The following MICAL2 variants were observed in gnomAD, a reference collection of about 807,000 sequenced individuals.
The protein encoded by MICAL2 is [F-actin]-monooxygenase MICAL2.
Under a neutral mutation model 127.3 loss-of-function variants are expected in MICAL2, and 77 were observed. That is an observed-to-expected ratio of 0.60 (90% confidence interval 0.50 to 0.73). MICAL2 has a LOEUF of 0.73. Among genes scored for constraint, MICAL2 ranks in the 30% least tolerant of loss-of-function variants. The pLI is 0.00. For missense variants in MICAL2, 1,351 were observed against 1,434.4 expected (o/e 0.94, Z 0.94); for synonymous variants, 570 against 551.1 (o/e 1.03, Z -0.48).
chr11:12,344,690 G>A (rs1486786040), intron 32 of MICAL2, among the ~76,000 whole-genome samples: 2 of 149,852 alleles, frequency 1.3e-5, no homozygotes, highest in Non-Finnish European at 3.0e-5. Flanking sequence ...CAGTAGAGAC[G>A]GGGTTTCACC....
At chr11:12,317,921 TCTC>T (rs1214651877) in intron 29 of MICAL2, among the ~76,000 whole-genome samples, 1 of 152,242 alleles carries the variant, frequency 6.6e-6, no homozygotes, top group East Asian at 1.9e-4. Flanking sequence ...GGAAGCATTT[TCTC>T]CTCAATTTCA....
chr11:12,241,110 G>A lies in MICAL2; in HGVS notation c.2285G>A (p.Cys762Tyr). 1 of 1,614,134 alleles carries A rather than the reference G, an allele frequency of 6.2e-7. No homozygotes were observed. Among genetic ancestry groups the A allele is most frequent in the Non-Finnish European group, 8.5e-7 (1 of 1,180,022 alleles). The change falls in exon 18 of 28, where the codon TGC becomes TAC. Residue 762 changes from cysteine to tyrosine, a missense_variant. Cys to Tyr is a radical substitution (Grantham distance 194, BLOSUM62 -2). Coordinates refer to ENST00000683283, the MANE Select transcript of MICAL2 (RefSeq NM_001282663.2). ...SSSGPPVHSCCPKPEEATPSP... is the reference protein window; with the variant it reads ...SSSGPPVHSCYPKPEEATPSP... ...TCCGGCCCTCCTGTTCACTCTTGCT[G>A]CCCCAAGCCGGAGGAGGCCACACCC...
Position 12,356,053 on chromosome 11 carries a change from TA to T in MICAL2, c.5689+1197del, listed in dbSNP as rs1451393995. Among the ~76,000 whole-genome samples the T allele has an allele frequency of 3.3e-5, 5 of 152,198 alleles. No individual in the cohort carries two copies. In the East Asian group the frequency reaches 9.6e-4, roughly 29 times the overall value. ...TAGGTTCTAACTGATATCTGATTTA[TA>T]TATCAGATTTGAAAAGTTTAATTTG... On this transcript the variant is annotated intron_variant, in intron 34 of 34. Coordinates refer to the MICAL2 transcript ENST00000646065.
intron 15 of MICAL2, among the ~76,000 whole-genome samples, chr11:12,235,455 AG>A (rs1318000693): frequency 6.6e-6 from 1 of 152,182 alleles, no homozygotes; most frequent in Non-Finnish European, 1.5e-5. Context: ...CTGAGAGTGA[AG>A]GGGGCACTGT....
At chr11:12,175,430 T>G (rs1005664399) in intron 3 of MICAL2, among the ~76,000 whole-genome samples, 40 of 150,854 alleles carry the variant, frequency 2.7e-4, no homozygotes, top group Non-Finnish European at 5.0e-4. Context: ...GAGCCGAGAT[T>G]GCGCCACTCC....
chr11:12,138,442 T>C lies in MICAL2; in HGVS notation c.-96T>C, dbSNP rs1472124224. The C allele has an allele frequency of 6.6e-6, 1 of 152,230 alleles. No homozygotes were observed. Among genetic ancestry groups the C allele is most frequent in the Non-Finnish European group, 1.5e-5 (1 of 68,046 alleles). 9.4% of individuals were successfully genotyped at this position (152,230 alleles called of 1,614,324 possible). On this transcript the variant is annotated 5_prime_UTR_variant, in exon 2 of 28. Transcript: ENST00000683283. ...CCCAGAAAGAGAAGACTTTAACCAC[T>C]GTGATGCCTGAGAATCCAGTGAGTA...
chr11:12,163,627 C>T (rs1855113270), intron 3 of MICAL2: 1 of 152,260 alleles, frequency 6.6e-6, no homozygotes, highest in Non-Finnish European at 1.5e-5. Flanking sequence ...AGCAGACTAG[C>T]TATCCAGGCA....
chr11:12,293,853 G>A (rs772495299), downstream of MICAL2: 15 of 1,608,192 alleles, frequency 9.3e-6, no homozygotes, highest in Non-Finnish European at 1.2e-5. Flanking sequence ...GACAGGAGCT[G>A]GACAGGGCAA....
chr11:12,264,732 T>A (rs1286137867), downstream of MICAL2, among the ~76,000 whole-genome samples: 1 of 152,184 alleles, frequency 6.6e-6, no homozygotes, highest in Non-Finnish European at 1.5e-5. Flanking sequence ...GGTGATATAT[T>A]CCCACTTCCA....
intron 3 of MICAL2, among the ~76,000 whole-genome samples, chr11:12,164,448 A>G (rs1404324270): frequency 6.6e-6 from 1 of 152,192 alleles, no homozygotes; most frequent in Non-Finnish European, 1.5e-5. Flanking sequence ...CTTTTCAGAA[A>G]CCCAGCTCAA....
intron 1 of MICAL2, among the ~76,000 whole-genome samples, chr11:12,120,961 A>C (rs988080082): frequency 2.6e-5 from 4 of 152,212 alleles, no homozygotes; most frequent in Non-Finnish European, 5.9e-5. Flanking sequence ...GGGGGCAGTA[A>C]GGCTGGGCCC....
intron 3 of MICAL2, chr11:12,195,890 T>G (rs572864092): frequency 5.2e-5 from 8 of 152,420 alleles, no homozygotes; most frequent in Admixed American, 3.9e-4. Context: ...TGAGATCATA[T>G]AGGGTCCTAA....
At chr11:12,124,453 A>G (rs1233212690) in intron 1 of MICAL2, among the ~76,000 whole-genome samples, 1 of 152,152 alleles carries the variant, frequency 6.6e-6, no homozygotes, top group Non-Finnish European at 1.5e-5. Context: ...TGCTTCATCA[A>G]AAAGGACATG....
chr11:12,230,004 G>A (rs1332474481), intron 15 of MICAL2, among the ~76,000 whole-genome samples: 3 of 152,194 alleles, frequency 2.0e-5, no homozygotes, highest in East Asian at 1.9e-4. Flanking sequence ...CTCTCAGAGC[G>A]ATGGAGCACT....
At chr11:12,244,340 G>T (rs1003377770) in intron 21 of MICAL2, among the ~76,000 whole-genome samples, 12 of 152,226 alleles carry the variant, frequency 7.9e-5, no homozygotes, top group African/African-American at 2.4e-4. Context: ...CATTCAGCAA[G>T]CATTAATCAG....
At chr11:12,295,970 T>G (rs542427177), downstream of MICAL2, among the ~76,000 whole-genome samples, 8 of 152,166 alleles carry the variant, frequency 5.3e-5, no homozygotes, top group East Asian at 1.5e-3. Context: ...ATACCACCAA[T>G]GAAAATGTAG....
At chr11:12,283,946 A>G (rs987379120) in intron 2 of MICAL2, among the ~76,000 whole-genome samples, 8 of 152,166 alleles carry the variant, frequency 5.3e-5, no homozygotes, top group Admixed American at 2.0e-4. Context: ...CACCATCAGA[A>G]ATTCAGATTG....
intron 2 of MICAL2, among the ~76,000 whole-genome samples, chr11:12,138,882 A>G (rs1205819195): frequency 3.3e-5 from 5 of 152,132 alleles, no homozygotes; most frequent in East Asian, 1.9e-4. Context: ...ACAGTGTCCT[A>G]TGGGAACCTT....
chr11:12,356,888 G>T (rs1312545099), intron 34 of MICAL2, among the ~76,000 whole-genome samples: 4 of 152,174 alleles, frequency 2.6e-5, no homozygotes, highest in African/African-American at 9.7e-5. Context: ...TTATACATAG[G>T]GATGCCCTTT....
Sources: gnomAD v4.1 joint callset for allele counts (sites outside exome capture counted in the v4.1 genomes callset) on GRCh38, gnomAD v4.1.1 for gene constraint, MANE v1.5 for transcripts, NCBI Gene and HGNC (gene_info 2026-07-23, HGNC 2026-07-21) for gene names.